Variants in ZDHHC14 observed in about 807,000 individuals in gnomAD.
ZDHHC14 encodes the protein palmitoyltransferase ZDHHC14.
Under a neutral mutation model 47.7 loss-of-function variants are expected in ZDHHC14, and 16 were observed. That is an observed-to-expected ratio of 0.34 (90% CI 0.23 to 0.51). The LOEUF (loss-of-function observed/expected upper bound fraction) is 0.51, where lower values mean the gene tolerates loss of function less well. ZDHHC14 is among the 20% of genes least tolerant of loss of function. ZDHHC14 has a pLI of 0.97. For missense variants in ZDHHC14, 515 were observed against 662.5 expected (o/e 0.78, Z 2.44); for synonymous variants, 293 against 278.9 (o/e 1.05, Z -0.50).
chr6:157,501,137 T>G (rs1462003260), intron 1 of ZDHHC14, among the ~76,000 whole-genome samples: 1 of 152,224 alleles, frequency 6.6e-6, no homozygotes, highest in African/African-American at 2.4e-5. Flanking sequence ...GTAGTTCAGA[T>G]TTTAGATAAT....
intron 2 of ZDHHC14, among the ~76,000 whole-genome samples, chr6:157,580,497 G>A (rs1227489009): frequency 2.0e-5 from 3 of 152,024 alleles, no homozygotes; most frequent in East Asian, 1.9e-4. Context: ...GGTAGAATTC[G>A]GCTGTGAATC....
At chr6:157,656,715 A>C (rs1392118828) in intron 8 of ZDHHC14, among the ~76,000 whole-genome samples, 5 of 91,606 alleles carry the variant, frequency 5.5e-5, no homozygotes, top group Admixed American at 4.7e-4. Context: ...CCAAAAAAAA[A>C]AAACAAAAAA....
chr6:157,465,159 C>T (rs1363120357), intron 1 of ZDHHC14, among the ~76,000 whole-genome samples: 2 of 130,556 alleles, frequency 1.5e-5, no homozygotes, highest in African/African-American at 3.0e-5. Flanking sequence ...TGGGTTGAAC[C>T]AATGAAAAAA....
intron 1 of ZDHHC14, among the ~76,000 whole-genome samples, chr6:157,429,714 C>A (rs946189192): frequency 6.6e-6 from 1 of 152,044 alleles, no homozygotes; most frequent in Non-Finnish European, 1.5e-5. Flanking sequence ...ATAAAGCAGG[C>A]CTGGAAATCA....
rs565920326 is a variant in ZDHHC14 at position 157,677,423 on chromosome 6, A to G, written c.*4301A>G. 3 of 152,092 alleles carry G rather than the reference A, an allele frequency of 2.0e-5. No individual in the cohort carries two copies. The highest frequency in any genetic ancestry group is 6.5e-5 in the Admixed American group (1 of 15,274). The allele number at this position is 152,092 out of a possible 1,614,324, so 9.4% of individuals were successfully genotyped here. ...TCCTCTGTCCATCTGCCCATTGTCC[A>G]TGGTCCTGATAATAGAGCCAAGATG... On this transcript the variant is annotated 3_prime_UTR_variant, in exon 9 of 9. Coordinates refer to ENST00000359775, the MANE Select transcript of ZDHHC14 (RefSeq NM_024630.3).
chr6:157,612,511 C>T (rs1429638064), intron 3 of ZDHHC14, among the ~76,000 whole-genome samples: 3 of 152,218 alleles, frequency 2.0e-5, no homozygotes, highest in African/African-American at 4.8e-5. Context: ...GATGTTCAGG[C>T]GTGGGCTCCT....
rs548956366 is a variant in ZDHHC14, at chr6:157,418,110, T to A, written c.245+35844T>A. ...GGCTGCACTGACTCCAGGGGACACA[T>A]CCAGACCTGACATCAGGAAAAGGTG... On this transcript the variant is annotated intron_variant, in intron 1 of 8. Transcript: ENST00000359775. 4.1e-4 allele frequency among the ~76,000 whole-genome samples: 62 copies of A among 152,198 alleles called. No homozygotes were observed. The South Asian group carries it at 0.011, about 28-fold the overall frequency.
intron 1 of ZDHHC14, among the ~76,000 whole-genome samples, chr6:157,399,320 AGATCCGG>A (rs1425291706): frequency 1.3e-5 from 2 of 152,236 alleles, no homozygotes; most frequent in Non-Finnish European, 1.5e-5. Flanking sequence ...AGTGCTGGGT[AGATCCGG>A]GTGCCATTGT....
chr6:157,600,472 T>G (rs958341251), intron 3 of ZDHHC14, among the ~76,000 whole-genome samples: 11 of 152,152 alleles, frequency 7.2e-5, no homozygotes, highest in Non-Finnish European at 1.6e-4. Flanking sequence ...CAGGCTGGAG[T>G]GCAGCTCACT....
chr6:157,514,001 G>A (rs1008596721), intron 1 of ZDHHC14, among the ~76,000 whole-genome samples: 2 of 152,028 alleles, frequency 1.3e-5, no homozygotes, highest in African/African-American at 4.8e-5. Flanking sequence ...ACTGTGACAC[G>A]CCATCCACAT....
intron 1 of ZDHHC14, among the ~76,000 whole-genome samples, chr6:157,529,848 C>A (rs527737099): frequency 6.6e-6 from 1 of 152,164 alleles, no homozygotes; most frequent in Non-Finnish European, 1.5e-5. Flanking sequence ...GCTTTGATGG[C>A]GGCCACATCT....
At chr6:157,398,638 A>G (rs547396577) in intron 1 of ZDHHC14, among the ~76,000 whole-genome samples, 1 of 152,210 alleles carries the variant, frequency 6.6e-6, no homozygotes, top group Non-Finnish European at 1.5e-5. Context: ...CTCCAGAAAC[A>G]GCTTGAATAA....
chr6:157,654,231 G>A lies in ZDHHC14; in HGVS notation c.1068+604G>A, dbSNP rs368870168. Among the ~76,000 whole-genome samples the A allele has an allele frequency of 1.4e-4, 22 of 152,246 alleles. No individual in the cohort carries two copies. The East Asian group carries it at 2.7e-3, about 19-fold the overall frequency. ...TGCTTGCAGTGTGTAGGTTTCTAGC[G>A]TGCAGGTTTCCAGCGTGCAGGTGGA... On this transcript the variant is annotated intron_variant, in intron 8 of 8. Transcript: ENST00000359775.
At chr6:157,410,551 A>G (rs190484793) in intron 1 of ZDHHC14, among the ~76,000 whole-genome samples, 38 of 152,364 alleles carry the variant, frequency 2.5e-4, no homozygotes, top group African/African-American at 8.7e-4. Context: ...AATAGGCTAT[A>G]AGATAAAAGC....
At chr6:157,576,007 C>G (rs1028974401) in intron 2 of ZDHHC14, among the ~76,000 whole-genome samples, 5 of 152,226 alleles carry the variant, frequency 3.3e-5, no homozygotes, top group Non-Finnish European at 7.3e-5. Flanking sequence ...TCTCTTGCTT[C>G]TGACTCGGCA....
At chr6:157,654,557 T>C (rs190557136) in intron 8 of ZDHHC14, among the ~76,000 whole-genome samples, 2 of 152,146 alleles carry the variant, frequency 1.3e-5, no homozygotes, top group African/African-American at 4.8e-5. Context: ...ACCTTGCTTC[T>C]GGGTGCAAAG....
chr6:157,531,905 G>A (rs192785061), intron 1 of ZDHHC14, among the ~76,000 whole-genome samples: 27 of 152,394 alleles, frequency 1.8e-4, no homozygotes, highest in African/African-American at 6.3e-4. Flanking sequence ...ACTTTGTGCA[G>A]TGTGACTGTC....
rs1780219437 is a variant in ZDHHC14, at chr6:157,502,779, CT to C, written c.246-39805del. On this transcript the variant is annotated intron_variant, in intron 1 of 8. Transcript: ENST00000359775. The surrounding 1 kb of genome is among the most constrained non-coding windows in gnomAD (Gnocchi z 4.0). ...GATCTTGGCTCACTGCAACCTCCGCCTCCCAGGTTCAAGCGATTCTCCTGGC... is the reference window on the plus strand; with the variant it reads ...GATCTTGGCTCACTGCAACCTCCGCCCCCAGGTTCAAGCGATTCTCCTGGC... 6.6e-6 allele frequency among the ~76,000 whole-genome samples: 1 copy of C among 152,194 alleles called. No homozygotes were observed. The highest frequency in any genetic ancestry group is 2.4e-5 in the African/African-American group (1 of 41,440).
chr6:157,626,412 T>C (rs1785418046), intron 3 of ZDHHC14, among the ~76,000 whole-genome samples: 1 of 152,262 alleles, frequency 6.6e-6, no homozygotes, highest in Non-Finnish European at 1.5e-5. Flanking sequence ...TTTTTCTCTC[T>C]GTGCACGTTG....
Sources: allele counts gnomAD v4.1 joint callset (sites outside exome capture counted in the v4.1 genomes callset), GRCh38; gene constraint gnomAD v4.1.1; non-coding constraint Gnocchi (gnomAD v3.1); transcripts MANE v1.5; gene names NCBI Gene and HGNC (gene_info 2026-07-23, HGNC 2026-07-21).